Variants in DGKD observed in about 807,000 individuals in gnomAD.
DGKD encodes the protein DAG kinase delta.
A neutral mutation model predicts 154.4 loss-of-function variants in DGKD; 68 were observed. The observed-to-expected ratio is 0.44, with a 90% confidence interval of 0.36 to 0.54. The LOEUF is 0.54. Among genes scored for constraint, DGKD ranks in the 20% least tolerant of loss-of-function variants. The pLI is 0.00. For missense variants in DGKD, 1,343 were observed against 1,593.6 expected (o/e 0.84, Z 2.68); for synonymous variants, 693 against 638.0 (o/e 1.09, Z -1.30).
chr2:233,461,700 G>A (rs530974258), intron 24 of DGKD, among the ~76,000 whole-genome samples: 1 of 152,394 alleles, frequency 6.6e-6, no homozygotes, highest in South Asian at 2.1e-4. Flanking sequence ...AGGTGCACTT[G>A]CACAGCACTG....
intron 3 of DGKD, among the ~76,000 whole-genome samples, chr2:233,416,788 GT>G (rs1559521055): frequency 1.3e-5 from 2 of 152,100 alleles, no homozygotes; most frequent in African/African-American, 4.8e-5. Context: ...TGTTTCTTCT[GT>G]TCAGTAGCTG....
chr2:233,468,599 G>A (rs757283097), intron 29 of DGKD, 46 bp downstream of exon 29: 11 of 1,608,648 alleles, frequency 6.8e-6, no homozygotes, highest in Admixed American at 1.7e-5. Context: ...GGGCTTGCAC[G>A]CAGCTCCCTT....
intron 3 of DGKD, among the ~76,000 whole-genome samples, chr2:233,421,152 A>G (rs891247380): frequency 2.0e-5 from 3 of 152,096 alleles, no homozygotes; most frequent in South Asian, 2.1e-4. Flanking sequence ...TGAGACTTTA[A>G]TCGACACCGT....
rs1466833227 is a variant in DGKD, at chr2:233,469,444, C to T, written c.3629C>T (p.Pro1210Leu). The change falls in exon 30 of 30, where the codon CCC (proline) becomes CTC (leucine). Residue 1210 changes from proline (P) to leucine (L), a missense_variant. Physicochemically the swap from Pro to Leu is moderately conservative, Grantham distance 98. Transcript: ENST00000264057. ...CGIKELSRSA[P>L]AVEA ...ATCAAGGAGCTGAGCCGCAGCGCCCCCGCCGTCGAGGCCTAGCCTCTGTCC... is the reference window on the plus strand; with the variant it reads ...ATCAAGGAGCTGAGCCGCAGCGCCCTCGCCGTCGAGGCCTAGCCTCTGTCC... 1.2e-6 allele frequency: 2 copies of T among 1,603,700 alleles called. No homozygotes were observed. Among genetic ancestry groups the T allele is most frequent in the Non-Finnish European group, 1.7e-6 (2 of 1,176,194 alleles).
chr2:233,418,716 A>C (rs1050559682), intron 3 of DGKD, among the ~76,000 whole-genome samples: 4 of 151,742 alleles, frequency 2.6e-5, no homozygotes, highest in Admixed American at 1.3e-4. Context: ...CATGCTGGGG[A>C]CCCCCTCCTT....
intron 6 of DGKD, 104 bp downstream of exon 6, chr2:233,436,028 G>T: frequency 7.9e-7 from 1 of 1,261,742 alleles, no homozygotes; most frequent in Non-Finnish European, 1.1e-6. Flanking sequence ...TTTCATTTGA[G>T]ATGGTCACAC....
intron 10 of DGKD, among the ~76,000 whole-genome samples, chr2:233,444,090 C>T (rs1290372382): frequency 6.6e-6 from 1 of 152,134 alleles, no homozygotes; most frequent in Non-Finnish European, 1.5e-5. Flanking sequence ...CCTGGGGGCG[C>T]CTCAATTGAT....
At chr2:233,413,139 C>T (rs1002698107) in intron 3 of DGKD, among the ~76,000 whole-genome samples, 21 of 152,034 alleles carry the variant, frequency 1.4e-4, no homozygotes, top group Non-Finnish European at 2.4e-4. Context: ...GGCTCACGTC[C>T]GTAATCCCTG....
At position 233,445,269 on chromosome 2, in the gene DGKD, G is replaced by A. The variant is rs190293818; in HGVS notation, c.1195-354G>A. 6.6e-6 allele frequency among the ~76,000 whole-genome samples: 1 copy of A among 152,216 alleles called. No individual in the cohort carries two copies. The highest frequency in any genetic ancestry group is 2.4e-5 in the African/African-American group (1 of 41,514). Reference sequence around the variant, plus strand: ...CATCAGAGTGATTCCTTGGGGCTGTGGTCACGGTGGTGAAAATGGGAAGCA... The same window carrying A: ...CATCAGAGTGATTCCTTGGGGCTGTAGTCACGGTGGTGAAAATGGGAAGCA... On this transcript the variant is annotated intron_variant, in intron 10 of 29. Transcript: ENST00000264057. This position sits in a 1 kb window ranked among gnomAD's most constrained non-coding sequence, Gnocchi z 5.5.
intron 3 of DGKD, among the ~76,000 whole-genome samples, chr2:233,429,661 C>T (rs1385333082): frequency 3.3e-5 from 5 of 152,248 alleles, no homozygotes; most frequent in African/African-American, 1.2e-4. Context: ...TAGCCAGCAT[C>T]TGCTGAGCCG....
Position 233,445,855 on chromosome 2 carries a change from A to T in DGKD, c.1334+93A>T. ...TCTTAACCTGGGGTCTGTGGAAAAC[A>T]TGGGCCCTCTGAAATTATTTGTAAA... On this transcript the variant is annotated intron_variant, in intron 11 of 29. Transcript: ENST00000264057. The surrounding 1 kb of genome is among the most constrained non-coding windows in gnomAD (Gnocchi z 5.5). 1 of 1,395,144 alleles carries T rather than the reference A, an allele frequency of 7.2e-7. No homozygotes were observed. The highest frequency in any genetic ancestry group is 9.5e-7 in the Non-Finnish European group (1 of 1,048,556). The allele number at this position is 1,395,144 out of a possible 1,614,324, so 86.4% of individuals were successfully genotyped here. A position where few individuals can be genotyped will look rare whatever the true frequency, so the allele number is the denominator to read the frequency against.
At chr2:233,411,573 G>A (rs114278764) in intron 3 of DGKD, among the ~76,000 whole-genome samples, 3,865 of 152,282 alleles carry the variant, frequency 0.025, 74 homozygotes, top group Middle Eastern at 0.078. Flanking sequence ...TATTTTGGAT[G>A]TAAGTCCTTT....
chr2:233,426,234 T>A (rs569410593), intron 3 of DGKD, among the ~76,000 whole-genome samples: 42 of 152,362 alleles, frequency 2.8e-4, no homozygotes, highest in Admixed American at 9.8e-4. Flanking sequence ...TCTCTCCCTG[T>A]CTCTTGTACA....
chr2:233,393,661 G>T (rs1703793570), intron 3 of DGKD, among the ~76,000 whole-genome samples: 1 of 149,514 alleles, frequency 6.7e-6, no homozygotes, highest in Non-Finnish European at 1.5e-5. Flanking sequence ...TTCTAATTCA[G>T]TGTCTGTATT....
At position 233,452,116 on chromosome 2, in the gene DGKD, GA is replaced by G. The variant is rs1185765349; in HGVS notation, c.2264+60del. ...ATTGTTACATGGCTGCTAGTGCATA[GA>G]AAACAGATCTCAGGATTAACTAGAG... On this transcript the variant is annotated intron_variant, in intron 18 of 29. Coordinates refer to ENST00000264057, the MANE Select transcript of DGKD (RefSeq NM_152879.3). The surrounding 1 kb of genome is among the most constrained non-coding windows in gnomAD (Gnocchi z 4.0). The G allele has an allele frequency of 6.1e-6, 9 of 1,481,992 alleles. No homozygotes were observed. In the East Asian group the frequency reaches 2.0e-4, roughly 34 times the overall value. The allele number at this position is 1,481,992 out of a possible 1,614,324, so 91.8% of individuals were successfully genotyped here.
intron 1 of DGKD, among the ~76,000 whole-genome samples, chr2:233,383,165 G>A (rs1020151432): frequency 4.6e-5 from 7 of 151,626 alleles, no homozygotes; most frequent in African/African-American, 1.7e-4. Context: ...CCCAGCCACC[G>A]AAGTAGCTGG....
chr2:233,401,947 A>AT (rs1194412205), intron 3 of DGKD, among the ~76,000 whole-genome samples: 2 of 135,886 alleles, frequency 1.5e-5, no homozygotes, highest in African/African-American at 5.5e-5. Flanking sequence ...AAAAAAAAAA[A>AT]GCAAGCACTA....
chr2:233,463,463 T>TCTCCTCACTCCAC lies in DGKD; in HGVS notation c.3187-701_3187-700insCTCCTCACTCCAC, dbSNP rs1314730021. Among the ~76,000 whole-genome samples, 17 of 111,320 alleles carry TCTCCTCACTCCAC rather than the reference T, an allele frequency of 1.5e-4. 3 individuals are homozygous for TCTCCTCACTCCAC. Among genetic ancestry groups the TCTCCTCACTCCAC allele is most frequent in the African/African-American group, 6.2e-4 (14 of 22,420 alleles). 73.0% of individuals were successfully genotyped at this position (111,320 alleles called of 152,430 possible). A position where few individuals can be genotyped will look rare whatever the true frequency, so the allele number is the denominator to read the frequency against. ...TCCACGCATCTCCTCACTCCACGCA[T>TCTCCTCACTCCAC]GTCCTCACTGCACGCATGTCCTCAC... On this transcript the variant is annotated intron_variant, in intron 26 of 29. Transcript: ENST00000264057.
intron 27 of DGKD, among the ~76,000 whole-genome samples, chr2:233,465,476 G>C (rs1334622773): frequency 6.6e-6 from 1 of 152,190 alleles, no homozygotes; most frequent in Non-Finnish European, 1.5e-5. Context: ...TTAGGGTCAA[G>C]AGTGGTGGCT....
Sources: allele counts gnomAD v4.1 joint callset (sites outside exome capture counted in the v4.1 genomes callset), GRCh38; gene constraint gnomAD v4.1.1; non-coding constraint Gnocchi (gnomAD v3.1); transcripts MANE v1.5; gene names NCBI Gene and HGNC (gene_info 2026-07-23, HGNC 2026-07-21).